Variants in ZBBX observed in about 807,000 individuals in gnomAD.
ZBBX encodes zinc finger B-box domain containing.
In ZBBX, 101 loss-of-function variants were observed where a neutral mutation model predicts 108.5. The ratio of observed to expected loss-of-function variants is 0.93; its 90% CI spans 0.79 to 1.10. The LOEUF (loss-of-function observed/expected upper bound fraction) is 1.10. Among genes scored for constraint, ZBBX ranks in the 50% least tolerant of loss-of-function variants. ZBBX has a pLI of 0.00. For missense variants in ZBBX, 1,009 were observed against 941.4 expected, an observed-to-expected ratio of 1.07 and a Z score of -0.94; for synonymous variants, 356 against 323.4, an observed-to-expected ratio of 1.10 and a Z score of -1.08.
rs750626240 is a variant in ZBBX at position 167,322,140 on chromosome 3, T to G, written c.960A>C (p.Lys320Asn). 2.2e-6 allele frequency: 3 copies of G among 1,341,722 alleles called. No individual in the cohort carries two copies. In the African/African-American group the frequency reaches 4.5e-5, roughly 20 times the overall value. The allele number at this position is 1,341,722 out of a possible 1,614,324, so 83.1% of individuals were successfully genotyped here. A position where few individuals can be genotyped will look rare whatever the true frequency, so the allele number is the denominator to read the frequency against. Residue 320 changes from lysine to asparagine, a missense_variant, in exon 12 of 22, where the codon AAA becomes AAC. Physicochemically the swap from Lys to Asn is moderately conservative, Grantham distance 94 (BLOSUM62 0). Coordinates refer to ENST00000675490, the MANE Select transcript of ZBBX (RefSeq NM_001199201.2). ...ACCTCCTGTGTTTTTTAAGCCATAA[T>G]TTTTCCATATAGGATAGAATGTCTT... ...LKEDILSYMEKLWLKKHRRTP... is the reference protein window; with the variant it reads ...LKEDILSYMENLWLKKHRRTP...
chr3:167,316,505 C>T (rs1560112796), intron 14 of ZBBX, among the ~76,000 whole-genome samples: 1 of 151,966 alleles, frequency 6.6e-6, no homozygotes, highest in Admixed American at 6.6e-5. Flanking sequence ...CTAGTTGATG[C>T]TATTGGTGTC....
intron 6 of ZBBX, 42 bp downstream of exon 6, chr3:167,365,844 T>C: frequency 1.4e-6 from 2 of 1,460,068 alleles, no homozygotes; most frequent in Non-Finnish European, 1.9e-6. Context: ...GAATATCTTC[T>C]TGCTTAGCAA....
intron 8 of ZBBX, among the ~76,000 whole-genome samples, chr3:167,358,739 A>C (rs1438674362): frequency 6.6e-6 from 1 of 151,940 alleles, no homozygotes; most frequent in Admixed American, 6.6e-5. Flanking sequence ...GATCGAGACC[A>C]TCCTGGCTAA....
intron 20 of ZBBX, among the ~76,000 whole-genome samples, chr3:167,250,303 T>A (rs892566062): frequency 1.4e-4 from 22 of 152,064 alleles, no homozygotes; most frequent in African/African-American, 5.1e-4. Context: ...AACCCCAAAA[T>A]TCCCAGGATG....
intron 15 of ZBBX, 80 bp from the exon 16 acceptor site, chr3:167,314,196 T>C: frequency 1.6e-6 from 2 of 1,218,648 alleles, no homozygotes; most frequent in East Asian, 5.2e-5. Flanking sequence ...CCCAAGTCAT[T>C]AAAACAAATA....
chr3:167,229,812 A>T, the ZBBX span, among the ~76,000 whole-genome samples: 1 of 151,862 alleles, frequency 6.6e-6, no homozygotes, highest in African/African-American at 2.4e-5. Flanking sequence ...AATGCAGAAG[A>T]TGTATTTAAA....
chr3:167,396,202 T>C (rs923521182), intron 1 of ZBBX, among the ~76,000 whole-genome samples: 1 of 152,062 alleles, frequency 6.6e-6, no homozygotes, highest in Non-Finnish European at 1.5e-5. Context: ...CCTACAGTCT[T>C]GCAGTGGAGC....
intron 20 of ZBBX, among the ~76,000 whole-genome samples, chr3:167,276,006 C>T (rs1727501612): frequency 6.6e-6 from 1 of 152,134 alleles, no homozygotes. Context: ...GAGGCACCCC[C>T]CAGCAGGGGC....
At chr3:167,222,791 G>C in the ZBBX span, among the ~76,000 whole-genome samples, 1 of 151,764 alleles carries the variant, frequency 6.6e-6, no homozygotes, top group East Asian at 1.9e-4. Context: ...GGCTGACAAG[G>C]GTGTGTTTTT....
At chr3:167,199,872 A>C in the ZBBX span, among the ~76,000 whole-genome samples, 48,000 of 151,954 alleles carry the variant, frequency 0.32, 7,998 homozygotes, top group East Asian at 0.65. Context: ...TTAAAATAAC[A>C]CGAATTCATT....
At chr3:167,306,031 T>A in intron 16 of ZBBX, 81 bp from the exon 17 acceptor site, 1 of 1,222,634 alleles carries the variant, frequency 8.2e-7, no homozygotes, top group Non-Finnish European at 1.1e-6. Context: ...AAAAGTTCTG[T>A]GGTAAAAAAA....
At chr3:167,295,574 T>C (rs1245826464) in intron 18 of ZBBX, among the ~76,000 whole-genome samples, 1 of 151,194 alleles carries the variant, frequency 6.6e-6, no homozygotes. Flanking sequence ...AAATCCCTAA[T>C]GTAGTGATGG....
intron 2 of ZBBX, among the ~76,000 whole-genome samples, chr3:167,374,711 C>T (rs1345247602): frequency 1.3e-5 from 2 of 151,674 alleles, no homozygotes; most frequent in Non-Finnish European, 2.9e-5. Flanking sequence ...CATATAGGAC[C>T]CTAAATATAA....
chr3:167,246,820 A>T (rs559387366), intron 20 of ZBBX, among the ~76,000 whole-genome samples: 7 of 152,332 alleles, frequency 4.6e-5, no homozygotes, highest in Admixed American at 4.6e-4. Flanking sequence ...AAGTAGTTAT[A>T]ATGTTATTTA....
At chr3:167,204,186 TTTTC>T in the ZBBX span, among the ~76,000 whole-genome samples, 2 of 136,706 alleles carry the variant, frequency 1.5e-5, no homozygotes, top group Non-Finnish European at 1.5e-5. Flanking sequence ...GAAAAATCAA[TTTTC>T]TTTTTTTCTT....
At chr3:167,255,811 A>G (rs1723408099) in intron 20 of ZBBX, among the ~76,000 whole-genome samples, 1 of 152,082 alleles carries the variant, frequency 6.6e-6, no homozygotes, top group Admixed American at 6.6e-5. Context: ...CAAACAATCC[A>G]ATTATATTCT....
intron 2 of ZBBX, among the ~76,000 whole-genome samples, chr3:167,376,117 C>T (rs950901042): frequency 3.9e-5 from 6 of 152,172 alleles, no homozygotes; most frequent in African/African-American, 1.4e-4. Flanking sequence ...CCACCAAGTC[C>T]TGTCTCTCAA....
At chr3:167,344,237 G>C (rs1741055867) in intron 9 of ZBBX, among the ~76,000 whole-genome samples, 1 of 151,792 alleles carries the variant, frequency 6.6e-6, no homozygotes, top group African/African-American at 2.4e-5. Context: ...TGGAGCAAAA[G>C]GGTATGGGGT....
At chr3:167,260,356 T>C (rs1257198889) in intron 20 of ZBBX, among the ~76,000 whole-genome samples, 3 of 152,210 alleles carry the variant, frequency 2.0e-5, no homozygotes, top group Non-Finnish European at 4.4e-5. Context: ...TTCTTTCTGC[T>C]TCTTGTATTT....
Sources: allele counts gnomAD v4.1 joint callset (sites outside exome capture counted in the v4.1 genomes callset), GRCh38; gene constraint gnomAD v4.1.1; transcripts MANE v1.5; gene names NCBI Gene and HGNC (gene_info 2026-07-23, HGNC 2026-07-21).